The following ZNF782 variants were observed in gnomAD, a reference collection of about 807,000 sequenced individuals.
ZNF782 encodes the protein zinc finger protein 782.
In ZNF782, 12 loss-of-function variants were observed where a neutral mutation model predicts 13.0. The observed-to-expected ratio is 0.92, with a 90% CI of 0.59 to 1.50. ZNF782 has a LOEUF of 1.50. Among genes scored for constraint, ZNF782 ranks in the 40% most tolerant of loss-of-function variants. The pLI is 0.00. For synonymous variants in ZNF782, 284 were observed against 283.0 expected, an observed-to-expected ratio of 1.00 and a Z score of -0.04; for missense variants, 770 against 822.9, an observed-to-expected ratio of 0.94 and a Z score of 0.79.
intron 3 of ZNF782, among the ~76,000 whole-genome samples, chr9:96,847,712 G>A (rs959921101): frequency 2.6e-5 from 4 of 152,184 alleles, no homozygotes; most frequent in Admixed American, 6.5e-5. Context: ...CCTGGGACCA[G>A]ATGGATTCAC....
In ZNF782 at chr9:96,819,459, A is replaced by G. The variant is rs1205872795; in HGVS notation, c.564T>C (p.Ala188=). 2 of 1,613,984 alleles carry G rather than the reference A, an allele frequency of 1.2e-6. No individual in the cohort carries two copies. Among genetic ancestry groups the G allele is most frequent in the East Asian group, 4.5e-5 (2 of 44,876 alleles). The change falls in exon 6 of 6, where the codon GCT becomes GCC. Residue 188 remains alanine (A), a synonymous_variant. Coordinates refer to ENST00000481138, the MANE Select transcript of ZNF782 (RefSeq NM_001001662.3). ...GRTNTQEKSF[A]YSKIVKTLHH... ...GGAGGGTTTTCACAATTTTACTATA[A>G]GCGAAAGATTTCTCTTGAGTGTTAG...
chr9:96,930,872 G>GTTTTTTTTTTTTTTTT, the ZNF782 span, among the ~76,000 whole-genome samples: 9 of 72,724 alleles, frequency 1.2e-4, 1 homozygote, highest in Non-Finnish European at 1.2e-4. Flanking sequence ...CCATCCAGTG[G>GTTTTTTTTTTTTTTTT]TTTTTTTTTT....
At chr9:96,875,283 G>A (rs976559874) in intron 1 of ZNF782, among the ~76,000 whole-genome samples, 1 of 152,202 alleles carries the variant, frequency 6.6e-6, no homozygotes, top group Non-Finnish European at 1.5e-5. Flanking sequence ...AAAGAACAAA[G>A]TGTCTTCTAA....
the ZNF782 span, among the ~76,000 whole-genome samples, chr9:96,918,071 AG>A: frequency 6.6e-6 from 1 of 151,112 alleles, no homozygotes; most frequent in Non-Finnish European, 1.5e-5. Flanking sequence ...GCACATTTAA[AG>A]TCATTTTATG....
At chr9:96,888,813 G>A in the ZNF782 span, 2 of 152,396 alleles carry the variant, frequency 1.3e-5, no homozygotes, top group Admixed American at 6.5e-5. Context: ...AAGCACATTA[G>A]CAAAAGCATC....
At chr9:96,902,546 T>C in the ZNF782 span, among the ~76,000 whole-genome samples, 4 of 132,164 alleles carry the variant, frequency 3.0e-5, no homozygotes, top group African/African-American at 9.7e-5. Flanking sequence ...ATATATACAA[T>C]TGAATCCTGT....
chr9:96,910,824 G>C, the ZNF782 span, among the ~76,000 whole-genome samples: 1 of 149,434 alleles, frequency 6.7e-6, no homozygotes, highest in Non-Finnish European at 1.5e-5. Flanking sequence ...TTTTAGCAGA[G>C]ATGGGGTTTC....
chr9:96,817,085 C>G lies in ZNF782; in HGVS notation c.*838G>C, dbSNP rs1850195611. ...TCCATGCCACAGGATCCTTCTCTGA[C>G]CCGGGTTCCTACCATCTTGTACTTT... On this transcript the variant is annotated 3_prime_UTR_variant, in exon 6 of 6. Coordinates refer to ENST00000481138, the MANE Select transcript of ZNF782 (RefSeq NM_001001662.3). 7.1e-6 allele frequency: 1 copy of G among 140,246 alleles called. No homozygotes were observed. The highest frequency in any genetic ancestry group is 1.7e-5 in the Non-Finnish European group (1 of 59,604). 8.7% of individuals were successfully genotyped at this position (140,246 alleles called of 1,614,324 possible). A position where few individuals can be genotyped will look rare whatever the true frequency, so the allele number is the denominator to read the frequency against.
chr9:96,851,130 T>A (rs1471943515), intron 3 of ZNF782, among the ~76,000 whole-genome samples: 2 of 152,046 alleles, frequency 1.3e-5, no homozygotes, highest in Non-Finnish European at 2.9e-5. Flanking sequence ...ACTTAATGCA[T>A]ACTGACAAAG....
chr9:96,841,676 C>T (rs1466400694), intron 4 of ZNF782, among the ~76,000 whole-genome samples: 1 of 151,820 alleles, frequency 6.6e-6, no homozygotes, highest in Non-Finnish European at 1.5e-5. Flanking sequence ...ATTCAATATC[C>T]ATTCATAATC....
In ZNF782 at chr9:96,817,772, T is replaced by A. The variant is rs1470362501; in HGVS notation, c.*151A>T. 4.6e-6 allele frequency: 3 copies of A among 645,634 alleles called. No homozygotes were observed. In the Admixed American group the frequency reaches 1.1e-4, roughly 23 times the overall value. 40.0% of individuals were successfully genotyped at this position (645,634 alleles called of 1,614,324 possible). A position where few individuals can be genotyped will look rare whatever the true frequency, so the allele number is the denominator to read the frequency against. On this transcript the variant is annotated 3_prime_UTR_variant, in exon 6 of 6. Coordinates refer to ENST00000481138, the MANE Select transcript of ZNF782 (RefSeq NM_001001662.3). ...ATATAAAATAGATTTCAACAATTTA[T>A]CTTCTATTCTTTGATATTTGGTGGA...
intron 3 of ZNF782, 132 bp downstream of exon 3, chr9:96,851,815 T>C (rs933527903): frequency 6.5e-6 from 6 of 926,860 alleles, no homozygotes; most frequent in Non-Finnish European, 1.0e-5. Flanking sequence ...ACAGCAGAGT[T>C]CATGGTGAAA....
chr9:96,925,211 G>A, the ZNF782 span, among the ~76,000 whole-genome samples: 5 of 152,224 alleles, frequency 3.3e-5, no homozygotes, highest in East Asian at 3.9e-4. Context: ...ACACAGGCGC[G>A]CGGGGCAGGC....
the ZNF782 span, among the ~76,000 whole-genome samples, chr9:96,918,341 C>A: frequency 7.0e-6 from 1 of 142,184 alleles, no homozygotes; most frequent in African/African-American, 2.6e-5. Context: ...ACTCCGGAGG[C>A]GGAGGTTGCA....
chr9:96,910,927 C>T, the ZNF782 span, among the ~76,000 whole-genome samples: 1 of 149,944 alleles, frequency 6.7e-6, no homozygotes, highest in African/African-American at 2.4e-5. Flanking sequence ...TGAGCCATCG[C>T]GCCCGGCCTG....
the ZNF782 span, among the ~76,000 whole-genome samples, chr9:96,927,189 A>G: frequency 6.6e-6 from 1 of 152,228 alleles, no homozygotes; most frequent in African/African-American, 2.4e-5. Context: ...GAGGACAGCA[A>G]TGAGCTGAGA....
the ZNF782 span, among the ~76,000 whole-genome samples, chr9:96,925,244 C>G: frequency 2.0e-5 from 3 of 151,990 alleles, no homozygotes; most frequent in Non-Finnish European, 4.4e-5. Flanking sequence ...CTGGGAGGGC[C>G]CCGCAGGAGA....
Position 96,844,124 on chromosome 9 carries a change from CACAG to C in ZNF782, c.142+762_142+765del, listed in dbSNP as rs752414304. On this transcript the variant is annotated intron_variant, in intron 4 of 5. Coordinates refer to ENST00000481138, the MANE Select transcript of ZNF782 (RefSeq NM_001001662.3). The stretch of plus-strand genomic sequence containing the variant: ...TGGTAACCAAAGAGTAATGAGAACT[CACAG>C]ACACTGTTCATGAAAATGAAAAACT... 5.3e-5 allele frequency among the ~76,000 whole-genome samples: 8 copies of C among 152,240 alleles called. No individual in the cohort carries two copies. In the East Asian group the frequency reaches 9.7e-4, roughly 18 times the overall value.
At chr9:96,917,931 G>GTGTGTGTGT in the ZNF782 span, among the ~76,000 whole-genome samples, 2 of 115,358 alleles carry the variant, frequency 1.7e-5, no homozygotes, top group African/African-American at 4.4e-5. Flanking sequence ...TGTGTGTGTA[G>GTGTGTGTGT]ATGGGGGTCT....
Sources: allele counts gnomAD v4.1 joint callset (sites outside exome capture counted in the v4.1 genomes callset), GRCh38; gene constraint gnomAD v4.1.1; transcripts MANE v1.5; gene names NCBI Gene and HGNC (gene_info 2026-07-23, HGNC 2026-07-21).